FHIT: variants seen among roughly 807,000 people sequenced by gnomAD.
The protein encoded by FHIT is bis(5'-adenosyl)-triphosphatase.
FHIT carries 19 observed loss-of-function variants against 17.9 expected under a neutral mutation model. The ratio of observed to expected loss-of-function variants is 1.06; its 90% CI spans 0.74 to 1.56. FHIT has a LOEUF of 1.56. FHIT is among the 40% of genes most tolerant of loss of function. The pLI is 0.00. For missense variants in FHIT, 248 were observed against 189.2 expected (o/e 1.31, Z -1.82); for synonymous variants, 81 against 69.7 (o/e 1.16, Z -0.81).
intron 5 of FHIT, among the ~76,000 whole-genome samples, chr3:60,246,408 A>G (rs965363160): frequency 1.3e-5 from 2 of 152,136 alleles, no homozygotes; most frequent in African/African-American, 2.4e-5. Flanking sequence ...TTTACAAACT[A>G]GAAACAAACA....
intron 7 of FHIT, among the ~76,000 whole-genome samples, chr3:60,008,615 G>A (rs1394237459): frequency 6.6e-6 from 1 of 152,170 alleles, no homozygotes; most frequent in Non-Finnish European, 1.5e-5. Flanking sequence ...GACAAAAATG[G>A]TTTAGAACCC....
At position 61,168,966 on chromosome 3, in the gene FHIT, C is replaced by T. The variant is rs539109857; in HGVS notation, c.-164+31651G>A. On this transcript the variant is annotated intron_variant, in intron 2 of 9. Coordinates refer to ENST00000492590, the MANE Select transcript of FHIT (RefSeq NM_002012.4). ...ACACATATTGATCTCTATGTCTTTG[C>T]CATTTACTTGTGTGTGGTCATCCCC... Among the ~76,000 whole-genome samples, 7 of 152,206 alleles carry T rather than the reference C, an allele frequency of 4.6e-5. No homozygotes were observed. The South Asian group carries it at 1.5e-3, about 32-fold the overall frequency.
chr3:60,455,806 T>C (rs1292380839), intron 5 of FHIT, among the ~76,000 whole-genome samples: 1 of 152,102 alleles, frequency 6.6e-6, no homozygotes, highest in Non-Finnish European at 1.5e-5. Context: ...TGAATAAACA[T>C]TGGTCAGTGG....
chr3:60,970,164 A>C (rs1709942109), intron 3 of FHIT, among the ~76,000 whole-genome samples: 1 of 152,130 alleles, frequency 6.6e-6, no homozygotes, highest in African/African-American at 2.4e-5. Flanking sequence ...TAACTACCTG[A>C]AGAGGTATGG....
chr3:59,991,717 C>T (rs889554217), intron 7 of FHIT, among the ~76,000 whole-genome samples: 4 of 151,974 alleles, frequency 2.6e-5, no homozygotes, highest in Non-Finnish European at 5.9e-5. Flanking sequence ...ATGCTCAGAC[C>T]CTGCAACTGC....
chr3:60,375,152 G>T lies in FHIT; in HGVS notation c.103+161708C>A, dbSNP rs572151041. Among the ~76,000 whole-genome samples the T allele has an allele frequency of 6.4e-4, 97 of 151,546 alleles. 2 individuals carry two copies. The highest frequency in any genetic ancestry group is 2.1e-3 in the African/African-American group (88 of 41,294). On this transcript the variant is annotated intron_variant, in intron 5 of 9. Coordinates refer to ENST00000492590, the MANE Select transcript of FHIT (RefSeq NM_002012.4). ...AAACAAAAAAAACACTTTCACGGTA[G>T]CAATTTTTAAATGCTTTTCAATAAT...
rs888691958 is a variant in FHIT, at chr3:61,116,578, C to A, written c.-163-74479G>T. Reference sequence around the variant, plus strand: ...GTAATAATAACATTAATATTAAAATCACACTAAGTGGATTTTAAATTCATT... The same window carrying A: ...GTAATAATAACATTAATATTAAAATAACACTAAGTGGATTTTAAATTCATT... On this transcript the variant is annotated intron_variant, in intron 2 of 9. Coordinates refer to ENST00000492590, the MANE Select transcript of FHIT (RefSeq NM_002012.4). Among the ~76,000 whole-genome samples the A allele has an allele frequency of 4.6e-5, 7 of 152,114 alleles. No individual in the cohort carries two copies. In the East Asian group the frequency reaches 1.3e-3, roughly 29 times the overall value.
chr3:60,013,693 T>C (rs1700226016), intron 6 of FHIT, among the ~76,000 whole-genome samples: 1 of 152,188 alleles, frequency 6.6e-6, no homozygotes, highest in Non-Finnish European at 1.5e-5. Flanking sequence ...TTAGTTACCA[T>C]GGAATGAAAA....
chr3:61,240,221 A>G (rs1163082536), intron 1 of FHIT, among the ~76,000 whole-genome samples: 1 of 152,148 alleles, frequency 6.6e-6, no homozygotes, highest in Non-Finnish European at 1.5e-5. Context: ...AGCAAATGGG[A>G]TTTCAAACTA....
chr3:61,053,583 A>T (rs1001691888), intron 2 of FHIT, among the ~76,000 whole-genome samples: 4 of 152,102 alleles, frequency 2.6e-5, no homozygotes, highest in Non-Finnish European at 5.9e-5. Flanking sequence ...ACTTGAACCC[A>T]GGAGGCAGAG....
intron 5 of FHIT, among the ~76,000 whole-genome samples, chr3:60,456,684 T>G (rs390523): frequency 0.51 from 77,085 of 152,004 alleles, 21,902 homozygotes; most frequent in African/African-American, 0.76. Flanking sequence ...GCTTCTTTTT[T>G]ACTGATATCA....
chr3:60,092,480 A>T (rs562476961), intron 5 of FHIT, among the ~76,000 whole-genome samples: 1 of 152,214 alleles, frequency 6.6e-6, no homozygotes, highest in Non-Finnish European at 1.5e-5. Flanking sequence ...ATGCTTTTAC[A>T]ATGTCTACAT....
chr3:59,958,361 TA>T (rs918731177), intron 7 of FHIT, among the ~76,000 whole-genome samples: 10 of 152,122 alleles, frequency 6.6e-5, no homozygotes, highest in Non-Finnish European at 1.2e-4. Flanking sequence ...AAGGACTGTA[TA>T]AAAAAAATCA....
At chr3:61,251,123 G>C (rs2040613838) in intron 1 of FHIT, among the ~76,000 whole-genome samples, 178 bp downstream of exon 1, 1 of 152,178 alleles carries the variant, frequency 6.6e-6, no homozygotes, top group Non-Finnish European at 1.5e-5. Flanking sequence ...GGAATTGGGG[G>C]GCCCGAGTCC....
intron 8 of FHIT, among the ~76,000 whole-genome samples, chr3:59,889,895 T>C (rs996545773): frequency 6.6e-6 from 1 of 152,226 alleles, no homozygotes; most frequent in African/African-American, 2.4e-5. Context: ...TCTTTTCTTT[T>C]GCGAATGATA....
chr3:60,262,519 T>C (rs1205948214), intron 5 of FHIT, among the ~76,000 whole-genome samples: 1 of 152,030 alleles, frequency 6.6e-6, no homozygotes, highest in Non-Finnish European at 1.5e-5. Flanking sequence ...ATGACTTAGA[T>C]ATGACTATTC....
chr3:60,096,151 TC>T (rs756686694), intron 5 of FHIT, among the ~76,000 whole-genome samples: 74 of 152,056 alleles, frequency 4.9e-4, no homozygotes, highest in African/African-American at 1.4e-3. Context: ...TCAGGCCGAG[TC>T]TGACTTGCAC....
At chr3:60,254,083 A>G (rs1319498823) in intron 5 of FHIT, among the ~76,000 whole-genome samples, 1 of 152,154 alleles carries the variant, frequency 6.6e-6, no homozygotes, top group Non-Finnish European at 1.5e-5. Flanking sequence ...ACACAGACAC[A>G]CATATAGGCA....
intron 7 of FHIT, among the ~76,000 whole-genome samples, chr3:59,982,425 G>A (rs1439892059): frequency 1.3e-5 from 2 of 152,136 alleles, no homozygotes; most frequent in African/African-American, 4.8e-5. Flanking sequence ...GAAATGGGAT[G>A]CCAGTCCCAC....
Sources: allele counts gnomAD v4.1 joint callset (sites outside exome capture counted in the v4.1 genomes callset), GRCh38; gene constraint gnomAD v4.1.1; transcripts MANE v1.5; gene names NCBI Gene and HGNC (gene_info 2026-07-23, HGNC 2026-07-21).